Variants in NTM observed in about 807,000 individuals in gnomAD.
The protein encoded by NTM is IgLON family member 2.
In NTM, 13 loss-of-function variants were observed where a neutral mutation model predicts 42.1. That is an observed-to-expected ratio of 0.31 (90% confidence interval 0.20 to 0.49). NTM has a LOEUF of 0.49. Among genes scored for constraint, NTM ranks in the 20% least tolerant of loss-of-function variants. NTM has a pLI of 0.99. For synonymous variants in NTM, 187 were observed against 179.2 expected (o/e 1.04, Z -0.35); for missense variants, 373 against 452.8 (o/e 0.82, Z 1.60).
chr11:132,078,904 G>T (rs575521216), intron 2 of NTM, among the ~76,000 whole-genome samples: 1 of 152,260 alleles, frequency 6.6e-6, no homozygotes, highest in East Asian at 1.9e-4. Flanking sequence ...TTCTGAATGG[G>T]ATTTCAATAA....
intron 1 of NTM, among the ~76,000 whole-genome samples, chr11:131,433,827 C>A (rs1039686614): frequency 6.6e-6 from 1 of 152,128 alleles, no homozygotes; most frequent in Non-Finnish European, 1.5e-5. Flanking sequence ...ACTTTAAGTT[C>A]TAGGGTACAT....
chr11:132,092,258 G>T (rs140468692), intron 2 of NTM, among the ~76,000 whole-genome samples: 30 of 152,284 alleles, frequency 2.0e-4, no homozygotes, highest in Admixed American at 1.8e-3. Flanking sequence ...TAGCCACAAA[G>T]AATTCCTAGG....
At chr11:131,789,536 GAAGAAGAAGAA>G (rs2090221056) in intron 1 of NTM, among the ~76,000 whole-genome samples, 3 of 23,444 alleles carry the variant, frequency 1.3e-4, no homozygotes, top group Non-Finnish European at 2.1e-4. Flanking sequence ...AGAAGAAGAA[GAAGAAGAAGAA>G]AAGAAGAAGA....
intron 1 of NTM, among the ~76,000 whole-genome samples, chr11:131,804,323 T>C (rs999191621): frequency 2.0e-5 from 3 of 152,174 alleles, no homozygotes; most frequent in African/African-American, 7.2e-5. Flanking sequence ...AGCTTATTTA[T>C]TGAGGCAGGG....
chr11:132,101,314 C>T (rs2061586140), intron 2 of NTM, among the ~76,000 whole-genome samples: 1 of 152,128 alleles, frequency 6.6e-6, no homozygotes, highest in Non-Finnish European at 1.5e-5. Context: ...TTCTAGGTGG[C>T]ATCCACCTGT....
At chr11:131,449,480 C>T (rs1950318178) in intron 1 of NTM, among the ~76,000 whole-genome samples, 1 of 152,198 alleles carries the variant, frequency 6.6e-6, no homozygotes, top group African/African-American at 2.4e-5. Context: ...AGGCTGGTGG[C>T]AGAGTGTGGG....
intron 3 of NTM, among the ~76,000 whole-genome samples, chr11:132,199,386 G>C (rs1344359659): frequency 6.6e-6 from 1 of 152,184 alleles, no homozygotes; most frequent in African/African-American, 2.4e-5. Flanking sequence ...ATGCTTTTCT[G>C]TAATTGGACA....
intron 3 of NTM, among the ~76,000 whole-genome samples, chr11:132,189,841 C>A (rs760353855): frequency 6.6e-6 from 1 of 152,162 alleles, no homozygotes; most frequent in Non-Finnish European, 1.5e-5. Context: ...AATGAACAAT[C>A]GTTTGTGGTG....
chr11:131,748,408 C>CT (rs1212147184), intron 1 of NTM, among the ~76,000 whole-genome samples: 1 of 152,218 alleles, frequency 6.6e-6, no homozygotes, highest in East Asian at 1.9e-4. Flanking sequence ...CTTGGAAAGA[C>CT]ATTAGGAGCT....
chr11:131,857,175 C>T (rs1342409020), intron 1 of NTM, among the ~76,000 whole-genome samples: 2 of 152,202 alleles, frequency 1.3e-5, no homozygotes, highest in Non-Finnish European at 2.9e-5. Flanking sequence ...CAGGTCAACA[C>T]TGACCCAGAT....
chr11:131,827,013 C>A (rs888983974), intron 1 of NTM, among the ~76,000 whole-genome samples: 5 of 152,074 alleles, frequency 3.3e-5, no homozygotes, highest in African/African-American at 1.2e-4. Context: ...TGCATTAATT[C>A]ATTTATTCAT....
intron 4 of NTM, among the ~76,000 whole-genome samples, chr11:132,249,859 TTC>T (rs746525273): frequency 1.3e-5 from 2 of 152,248 alleles, no homozygotes; most frequent in Non-Finnish European, 2.9e-5. Flanking sequence ...AATTTTAATT[TTC>T]TCTCTCTTGG....
At chr11:132,042,281 A>G (rs76376806) in intron 2 of NTM, among the ~76,000 whole-genome samples, 2 of 152,168 alleles carry the variant, frequency 1.3e-5, no homozygotes, top group Non-Finnish European at 2.9e-5. Flanking sequence ...TGCCCCATGT[A>G]TCAGTAGAAG....
At chr11:132,097,325 C>T (rs2061127200) in intron 2 of NTM, among the ~76,000 whole-genome samples, 1 of 152,174 alleles carries the variant, frequency 6.6e-6, no homozygotes, top group African/African-American at 2.4e-5. Flanking sequence ...GGAACCACAG[C>T]AGGTCACTGA....
chr11:131,976,901 G>A (rs1311808393), intron 2 of NTM, among the ~76,000 whole-genome samples: 3 of 152,132 alleles, frequency 2.0e-5, no homozygotes, highest in Non-Finnish European at 4.4e-5. Flanking sequence ...TTCCCTAAAT[G>A]AAGAGCAGCA....
rs551467999 is a variant in NTM, at chr11:131,794,645, G to GAATGAATT, written c.83-116918_83-116917insATGAATTA. 8.6e-5 allele frequency: 85 copies of GAATGAATT among 985,214 alleles called. No individual in the cohort carries two copies. In the African/African-American group the frequency reaches 1.3e-3, roughly 15 times the overall value. The allele number at this position is 985,214 out of a possible 1,614,324, so 61.0% of individuals were successfully genotyped here. A position where few individuals can be genotyped will look rare whatever the true frequency, so the allele number is the denominator to read the frequency against. Reference sequence around the variant, plus strand: ...GTGTTGAATGAATGAATGAATGAATGAGTAGTGCATATACGGGCAAAACTG... The same window carrying GAATGAATT: ...GTGTTGAATGAATGAATGAATGAATGAATGAATTAGTAGTGCATATACGGGCAAAACTG... On this transcript the variant is annotated intron_variant, in intron 1 of 8. Transcript: ENST00000683400.
At chr11:131,989,621 C>T (rs1229255143) in intron 2 of NTM, among the ~76,000 whole-genome samples, 1 of 152,016 alleles carries the variant, frequency 6.6e-6, no homozygotes, top group Non-Finnish European at 1.5e-5. Context: ...GTGTATCAGT[C>T]AGATTGGCTA....
chr11:131,905,309 G>A lies in NTM; in HGVS notation c.83-6255G>A, dbSNP rs374353926. On this transcript the variant is annotated intron_variant, in intron 1 of 8. Transcript: ENST00000683400. ...ACGGTCCTTCTTATTGGATAAATAT[G>A]TACTGAATGAATCCATGACTGCATG... Among the ~76,000 whole-genome samples, 9 of 152,054 alleles carry A rather than the reference G, an allele frequency of 5.9e-5. No homozygotes were observed. The East Asian group carries it at 1.7e-3, about 29-fold the overall frequency.
intron 1 of NTM, among the ~76,000 whole-genome samples, chr11:131,778,366 T>C (rs2087441305): frequency 6.6e-6 from 1 of 152,238 alleles, no homozygotes; most frequent in Non-Finnish European, 1.5e-5. Flanking sequence ...TGCTTAAGAT[T>C]CTATTTGGTG....
Sources: gnomAD v4.1 joint callset for allele counts (sites outside exome capture counted in the v4.1 genomes callset) on GRCh38, gnomAD v4.1.1 for gene constraint, MANE v1.5 for transcripts, NCBI Gene and HGNC (gene_info 2026-07-23, HGNC 2026-07-21) for gene names.